The following SIN3A variants were observed in gnomAD, a reference collection of about 807,000 sequenced individuals.
The protein encoded by SIN3A is SIN3 transcription regulator family member A, also known as paired amphipathic helix protein Sin3a.
In SIN3A, 14 loss-of-function variants were observed where a neutral mutation model predicts 146.1. The observed-to-expected ratio is 0.10, with a 90% CI of 0.06 to 0.15. The LOEUF is 0.15. SIN3A is among the 10% of genes least tolerant of loss of function. SIN3A has a pLI of 1.00. For synonymous variants in SIN3A, 572 were observed against 572.0 expected (o/e 1.00, Z 0.00); for missense variants, 1,028 against 1,576.0 (o/e 0.65, Z 5.89).
intron 1 of SIN3A, among the ~76,000 whole-genome samples, chr15:75,446,832 C>T (rs968192153): frequency 2.0e-5 from 3 of 151,982 alleles, no homozygotes; most frequent in African/African-American, 7.3e-5. Context: ...AGTGCAGTGG[C>T]ACGATCTTGG....
At position 75,392,353 on chromosome 15, in the gene SIN3A, C is replaced by T. The variant is rs745676137; in HGVS notation, c.2740G>A (p.Glu914Lys). The change falls in exon 15 of 21, where the codon GAA becomes AAA. Residue 914 changes from glutamate to lysine, a missense_variant. Around this residue, in one of 9 missense-constraint regions of SIN3A, gnomAD observed 488 missense variants for 690.2 expected, o/e 0.71. Transcript: ENST00000394947. ...CGGTTTTCTTCTTCAATTTGCCGTT[C>T]GGCTTGGGAACAAATCCGTAGCAGC... Reference protein sequence around the residue: ...LRLLRICSQAERQIEEENRER... With the variant: ...LRLLRICSQAKRQIEEENRER... The T allele has an allele frequency of 1.2e-6, 2 of 1,614,220 alleles. No homozygotes were observed. Among genetic ancestry groups the T allele is most frequent in the Non-Finnish European group, 1.7e-6 (2 of 1,180,040 alleles).
chr15:75,371,807 G>T lies in SIN3A; in HGVS notation c.*172C>A. ...TTGTAAGGTATTCATGTTCCTAACA[G>T]GTAGCCCACTTGGTGCCAGGCTGCA... is the stretch of plus-strand genomic sequence containing the variant. On this transcript the variant is annotated 3_prime_UTR_variant, in exon 21 of 21. Transcript: ENST00000394947. The T allele has an allele frequency of 1.6e-6, 1 of 614,686 alleles. No individual in the cohort carries two copies. The highest frequency in any genetic ancestry group is 2.0e-5 in the South Asian group (1 of 49,028). The allele number at this position is 614,686 out of a possible 1,614,324, so 38.1% of individuals were successfully genotyped here.
At chr15:75,406,425 C>T (rs1343938910) in intron 9 of SIN3A, among the ~76,000 whole-genome samples, 5 of 152,202 alleles carry the variant, frequency 3.3e-5, no homozygotes, top group African/African-American at 9.6e-5. Flanking sequence ...CGGTGGCTCA[C>T]GCCTGTAATC....
intron 3 of SIN3A, among the ~76,000 whole-genome samples, chr15:75,418,645 C>A (rs749829500): frequency 1.3e-5 from 2 of 151,402 alleles, no homozygotes; most frequent in Admixed American, 6.6e-5. Context: ...GATTTCCCAG[C>A]CCCCAGAACT....
At chr15:75,389,892 TC>T in intron 15 of SIN3A, 71 bp from the exon 16 acceptor site, 1 of 1,467,230 alleles carries the variant, frequency 6.8e-7, no homozygotes, top group South Asian at 1.2e-5. Context: ...ACAGGGCAAA[TC>T]CCACAGCTGG....
chr15:75,412,738 G>A, intron 5 of SIN3A, 25 bp downstream of exon 5: 1 of 1,538,546 alleles, frequency 6.5e-7, no homozygotes, highest in Non-Finnish European at 8.7e-7. Context: ...CATTCATATT[G>A]ATGCAATATT....
intron 6 of SIN3A, 104 bp from the exon 7 acceptor site, chr15:75,410,390 G>T: frequency 1.7e-6 from 2 of 1,161,756 alleles, no homozygotes; most frequent in Non-Finnish European, 2.4e-6. Context: ...CTGCATGTAA[G>T]AAGAAAGTCT....
intron 3 of SIN3A, chr15:75,420,977 C>T (rs1395255453): frequency 2.6e-5 from 4 of 152,152 alleles, no homozygotes; most frequent in Admixed American, 2.6e-4. Flanking sequence ...TTGCCAGTTT[C>T]CATAAAGCAA....
chr15:75,437,796 G>GA (rs980822249), intron 1 of SIN3A, among the ~76,000 whole-genome samples: 11 of 150,296 alleles, frequency 7.3e-5, no homozygotes, highest in South Asian at 2.1e-4. Context: ...ATTATAAAAA[G>GA]AAAAAAAAAG....
At chr15:75,454,899 C>G (rs915084565), upstream of SIN3A, 7 of 152,348 alleles carry the variant, frequency 4.6e-5, no homozygotes, top group Non-Finnish European at 8.8e-5. Context: ...TCCGCACCAC[C>G]GATGCGAGCT....
intron 4 of SIN3A, among the ~76,000 whole-genome samples, chr15:75,413,308 G>T (rs1294620715): frequency 6.7e-6 from 1 of 149,676 alleles, no homozygotes; most frequent in Non-Finnish European, 1.5e-5. Context: ...TTTAGGACAG[G>T]TGGGGTTTCA....
chr15:75,431,481 C>T (rs531431006), intron 1 of SIN3A, among the ~76,000 whole-genome samples: 2 of 152,074 alleles, frequency 1.3e-5, no homozygotes, highest in East Asian at 3.9e-4. Flanking sequence ...CATAACACAC[C>T]ATCAGTGAGA....
intron 1 of SIN3A, among the ~76,000 whole-genome samples, chr15:75,445,759 G>GAAAAAAA (rs774883850): frequency 1.0e-4 from 9 of 86,412 alleles, no homozygotes; most frequent in East Asian, 3.4e-4. Flanking sequence ...TCAAAAAAAA[G>GAAAAAAA]AAAAAAAAAA....
In SIN3A at chr15:75,451,478, G is replaced by C. The variant is rs1443610751; in HGVS notation, c.-89C>G. Reference sequence around the variant, plus strand: ...GTGTCCCTCTCAGCGTGAGCCGCGAGCTCAGCAGGGAGGCCCCGAGAACGG... The same window carrying C: ...GTGTCCCTCTCAGCGTGAGCCGCGACCTCAGCAGGGAGGCCCCGAGAACGG... On this transcript the variant is annotated 5_prime_UTR_variant, in exon 1 of 21. Coordinates refer to ENST00000394947, the MANE Select transcript of SIN3A (RefSeq NM_001145358.2). 6.7e-6 allele frequency: 1 copy of C among 150,284 alleles called. No homozygotes were observed. The highest frequency in any genetic ancestry group is 1.5e-5 in the Non-Finnish European group (1 of 67,532). 9.3% of individuals were successfully genotyped at this position (150,284 alleles called of 1,614,324 possible).
At chr15:75,447,057 G>A (rs997007376) in intron 1 of SIN3A, among the ~76,000 whole-genome samples, 14 of 152,160 alleles carry the variant, frequency 9.2e-5, no homozygotes, top group Non-Finnish European at 2.1e-4. Context: ...ATGGGCCACC[G>A]CGCCCAGCTC....
At chr15:75,407,771 T>C (rs910088779) in intron 8 of SIN3A, among the ~76,000 whole-genome samples, 1 of 151,482 alleles carries the variant, frequency 6.6e-6, no homozygotes, top group Admixed American at 6.6e-5. Context: ...TGTGCGCCTA[T>C]GGTCCCAGCT....
In SIN3A at chr15:75,381,687, G is replaced by C. The variant is rs751767124; in HGVS notation, c.3214C>G (p.Gln1072Glu). Residue 1072 changes from glutamine (Q) to glutamate (E), a missense_variant, in exon 18 of 21, where the codon CAA becomes GAA. Gln to Glu is a conservative substitution (Grantham distance 29). Coordinates refer to ENST00000394947, the MANE Select transcript of SIN3A (RefSeq NM_001145358.2). ...NCFKLMFIQS[Q>E]GQVQLTIELL... The stretch of plus-strand genomic sequence containing the variant: ...TCAATAGTCAGCTGGACCTGGCCTT[G>C]GCTCTGAATAAACATAAGCTGCAAA... 2 of 1,613,788 alleles carry C rather than the reference G, an allele frequency of 1.2e-6. No homozygotes were observed. The highest frequency in any genetic ancestry group is 1.1e-5 in the South Asian group (1 of 91,060).
chr15:75,433,224 C>A (rs180681819), intron 1 of SIN3A, among the ~76,000 whole-genome samples: 64 of 152,256 alleles, frequency 4.2e-4, no homozygotes, highest in Admixed American at 1.0e-3. Context: ...CAAACTCTAT[C>A]TACCATGAAG....
intron 15 of SIN3A, among the ~76,000 whole-genome samples, chr15:75,391,624 G>C (rs971314504): frequency 1.1e-4 from 17 of 152,142 alleles, no homozygotes; most frequent in African/African-American, 2.7e-4. Flanking sequence ...TTTATGACGT[G>C]AACTGGAAGC....
Sources: gnomAD v4.1 joint callset for allele counts (sites outside exome capture counted in the v4.1 genomes callset) on GRCh38, gnomAD v4.1.1 for gene constraint, gnomAD v4.1.1 regional missense constraint, MANE v1.5 for transcripts, NCBI Gene and HGNC (gene_info 2026-07-23, HGNC 2026-07-21) for gene names.